The following RBFOX1 variants were observed in gnomAD, a reference collection of about 807,000 sequenced individuals.
The protein encoded by RBFOX1 is RNA binding protein fox-1 homolog 1.
In RBFOX1, 8 loss-of-function variants were observed where a neutral mutation model predicts 57.7. The ratio of observed to expected loss-of-function variants is 0.14; its 90% CI spans 0.08 to 0.25. The LOEUF (loss-of-function observed/expected upper bound fraction) is 0.25. Among genes scored for constraint, RBFOX1 ranks in the 10% least tolerant of loss-of-function variants. The pLI, the probability that RBFOX1 is intolerant of heterozygous loss-of-function variation, is 1.00. For synonymous variants in RBFOX1, 326 were observed against 222.4 expected, an observed-to-expected ratio of 1.47 and a Z score of -4.15; for missense variants, 611 against 548.5, an observed-to-expected ratio of 1.11 and a Z score of -1.14.
At chr16:7,710,332 AAAAATG>A (rs2083797793) in intron 15 of RBFOX1, 2 of 1,240,108 alleles carry the variant, frequency 1.6e-6, no homozygotes, top group South Asian at 4.6e-5. Context: ...TCTGTTATAA[AAAAATG>A]AGACAGTGAA....
chr16:7,572,654 G>A (rs569617225), intron 5 of RBFOX1, among the ~76,000 whole-genome samples: 3 of 152,108 alleles, frequency 2.0e-5, no homozygotes, highest in Admixed American at 6.5e-5. Flanking sequence ...CCTGGCTAAC[G>A]CGGTGAAACC....
At chr16:7,124,040 G>A (rs768675849) in intron 4 of RBFOX1, among the ~76,000 whole-genome samples, 6 of 152,178 alleles carry the variant, frequency 3.9e-5, no homozygotes, top group African/African-American at 7.2e-5. Context: ...CAAAGGTTAT[G>A]TATATTTAGA....
At chr16:5,740,611 T>G (rs2151589723) in intron 3 of RBFOX1, among the ~76,000 whole-genome samples, 1 of 152,268 alleles carries the variant, frequency 6.6e-6, no homozygotes, top group East Asian at 1.9e-4. Context: ...AAGCTGTGGC[T>G]TCAGGCATAG....
intron 4 of RBFOX1, among the ~76,000 whole-genome samples, chr16:7,405,761 G>C (rs894094235): frequency 2.6e-5 from 4 of 152,126 alleles, no homozygotes; most frequent in East Asian, 1.9e-4. Flanking sequence ...GGGGTTCTCA[G>C]TGCTAGGGTT....
At chr16:5,674,636 T>C (rs1249219929) in intron 3 of RBFOX1, among the ~76,000 whole-genome samples, 1 of 152,250 alleles carries the variant, frequency 6.6e-6, no homozygotes, top group Non-Finnish European at 1.5e-5. Flanking sequence ...AAAGTTATTG[T>C]GGGTTTTGCC....
chr16:7,709,660 T>C, intron 15 of RBFOX1: 1 of 1,515,670 alleles, frequency 6.6e-7, no homozygotes, highest in Non-Finnish European at 8.8e-7. Context: ...ACACTTTGTG[T>C]GTGTACCTAG....
At chr16:7,446,646 C>G (rs1038453263) in intron 4 of RBFOX1, among the ~76,000 whole-genome samples, 2 of 152,060 alleles carry the variant, frequency 1.3e-5, no homozygotes, top group East Asian at 3.9e-4. Flanking sequence ...AGCCTGTCTT[C>G]TCTTTACACC....
chr16:7,345,150 C>T (rs964832078), intron 4 of RBFOX1, among the ~76,000 whole-genome samples: 1 of 152,164 alleles, frequency 6.6e-6, no homozygotes, highest in Non-Finnish European at 1.5e-5. Context: ...TCCGTTTAAA[C>T]ACAAATCAAG....
intron 2 of RBFOX1, among the ~76,000 whole-genome samples, chr16:5,545,442 A>C (rs549662949): frequency 6.6e-6 from 1 of 152,206 alleles, no homozygotes; most frequent in Non-Finnish European, 1.5e-5. Context: ...TCTATCATGA[A>C]TATAGATGCA....
At chr16:5,528,859 A>T (rs2151028738) in intron 2 of RBFOX1, among the ~76,000 whole-genome samples, 1 of 152,198 alleles carries the variant, frequency 6.6e-6, no homozygotes, top group Non-Finnish European at 1.5e-5. Flanking sequence ...CATGTTGGTT[A>T]AGCTGGTCTT....
chr16:6,280,584 C>A (rs759611182), intron 1 of RBFOX1, among the ~76,000 whole-genome samples: 1 of 152,044 alleles, frequency 6.6e-6, no homozygotes, highest in Non-Finnish European at 1.5e-5. Context: ...GGCACTTAGA[C>A]AATGTAATGT....
chr16:6,305,286 G>T (rs933002647), intron 1 of RBFOX1, among the ~76,000 whole-genome samples: 3 of 152,298 alleles, frequency 2.0e-5, no homozygotes, highest in African/African-American at 7.2e-5. Context: ...AACCCTCTCT[G>T]AACATCATGC....
intron 3 of RBFOX1, among the ~76,000 whole-genome samples, chr16:6,769,812 A>T (rs144120592): frequency 1.3e-5 from 2 of 152,188 alleles, no homozygotes; most frequent in African/African-American, 2.4e-5. Flanking sequence ...TTTTGCAGCA[A>T]TGATGCCACA....
chr16:6,952,916 A>G (rs766025152), intron 3 of RBFOX1, among the ~76,000 whole-genome samples: 3 of 152,104 alleles, frequency 2.0e-5, no homozygotes, highest in Non-Finnish European at 4.4e-5. Context: ...TGGAGGTTGC[A>G]GTGAGCCTAT....
chr16:5,655,090 T>A (rs12448261), intron 3 of RBFOX1, among the ~76,000 whole-genome samples: 17,315 of 152,192 alleles, frequency 0.11, 1,281 homozygotes, highest in East Asian at 0.26. Flanking sequence ...AGGAGACAAA[T>A]CTAAGAGCAG....
chr16:6,487,701 ATATAT>A (rs1308676874), intron 2 of RBFOX1, among the ~76,000 whole-genome samples: 4 of 4,510 alleles, frequency 8.9e-4, no homozygotes, highest in Non-Finnish European at 8.2e-4. Context: ...AAAAAAAAAA[ATATAT>A]ATATATATAT....
chr16:5,728,508 C>G (rs559221024), intron 3 of RBFOX1, among the ~76,000 whole-genome samples: 1 of 152,276 alleles, frequency 6.6e-6, no homozygotes, highest in Non-Finnish European at 1.5e-5. Context: ...GGAGCAAATG[C>G]CCTCCTTGCC....
At chr16:7,622,165 A>G (rs778646368) in intron 10 of RBFOX1, among the ~76,000 whole-genome samples, 9 of 152,144 alleles carry the variant, frequency 5.9e-5, no homozygotes, top group Non-Finnish European at 1.0e-4. Context: ...TGTTAGAACC[A>G]TGGGTCCAGG....
intron 3 of RBFOX1, among the ~76,000 whole-genome samples, chr16:6,944,442 C>G (rs1268700413): frequency 2.0e-5 from 3 of 151,810 alleles, no homozygotes; most frequent in Non-Finnish European, 2.9e-5. Flanking sequence ...GAAGACCACA[C>G]CCTTGCTTGG....
Sources: allele counts gnomAD v4.1 joint callset (sites outside exome capture counted in the v4.1 genomes callset), GRCh38; gene constraint gnomAD v4.1.1; transcripts MANE v1.5; gene names NCBI Gene and HGNC (gene_info 2026-07-23, HGNC 2026-07-21).